Variants in SLC36A2 observed in about 807,000 individuals in gnomAD.
The protein encoded by SLC36A2 is proton-coupled amino acid transporter 2.
A neutral mutation model predicts 42.7 loss-of-function variants in SLC36A2; 39 were observed. That is an observed-to-expected ratio of 0.91 (90% CI 0.71 to 1.19). SLC36A2 has a LOEUF of 1.19. Ranked by LOEUF, SLC36A2 falls within the 50% of genes most tolerant of loss-of-function variation. SLC36A2 has a pLI of 0.00. For synonymous variants in SLC36A2, 237 were observed against 240.8 expected (o/e 0.98, Z 0.15); for missense variants, 590 against 613.7 (o/e 0.96, Z 0.41).
At position 151,315,826 on chromosome 5, in the gene SLC36A2, A is replaced by G. The variant is rs779132827; in HGVS notation, c.*991T>C. On this transcript the variant is annotated 3_prime_UTR_variant, in exon 10 of 10. Transcript: ENST00000335244. ...ATGCATGTTGCAAGAATTAAGAGGT[A>G]AAGTCTATTCAAATAATATTCATGT... The G allele has an allele frequency of 3.9e-5, 6 of 152,274 alleles. No individual in the cohort carries two copies. The highest frequency in any genetic ancestry group is 7.3e-5 in the Non-Finnish European group (5 of 68,052). 9.4% of individuals were successfully genotyped at this position (152,274 alleles called of 1,614,324 possible). A position where few individuals can be genotyped will look rare whatever the true frequency, so the allele number is the denominator to read the frequency against.
chr5:151,322,111 C>A lies in SLC36A2; in HGVS notation c.1115G>T (p.Arg372Leu). 1 of 1,614,086 alleles carries A rather than the reference C, an allele frequency of 6.2e-7. No homozygotes were observed. The highest frequency in any genetic ancestry group is 8.5e-7 in the Non-Finnish European group (1 of 1,180,006). Residue 372 changes from arginine (R) to leucine (L), a missense_variant, in exon 9 of 10, where the codon CGG becomes CTG. Arg to Leu is a moderately radical substitution (Grantham distance 102, BLOSUM62 -2). Coordinates refer to ENST00000335244, the MANE Select transcript of SLC36A2 (RefSeq NM_181776.3). The part of the protein sequence containing the change: ...AEIIIPFAIS[R>L]VSTRWALPLD... ...AGGCAGTGCCCAGCGTGTTGACACC[C>A]GGGAGATGGCAAAGGGGATGATGAT...
chr5:151,316,755 AAAAAAAAAG>A lies in SLC36A2; in HGVS notation c.*53_*61del. 6.6e-7 allele frequency: 1 copy of A among 1,509,420 alleles called. No homozygotes were observed. Among genetic ancestry groups the A allele is most frequent in the Non-Finnish European group, 8.9e-7 (1 of 1,129,696 alleles). 93.5% of individuals were successfully genotyped at this position (1,509,420 alleles called of 1,614,324 possible). A position where few individuals can be genotyped will look rare whatever the true frequency, so the allele number is the denominator to read the frequency against. ...AACTCCGTCTCAAAAAAAAAAAAAA[AAAAAAAAAG>A]AGATCCATATAATTAAAAGTCGGGT... On this transcript the variant is annotated 3_prime_UTR_variant, in exon 10 of 10. Coordinates refer to ENST00000335244, the MANE Select transcript of SLC36A2 (RefSeq NM_181776.3).
chr5:151,331,353 G>A lies in SLC36A2; in HGVS notation c.843+1871C>T, dbSNP rs149690705. Among the ~76,000 whole-genome samples the A allele has an allele frequency of 6.4e-3, 971 of 151,916 alleles. 7 individuals are homozygous for A. The highest frequency in any genetic ancestry group is 0.023 in the African/African-American group (935 of 41,406). Reference sequence around the variant, plus strand: ...TTGTTTTAAGACAGGGTCTTACTCTGTCACCCAGGCTGGAGTGCTGTGGTA... The same window carrying A: ...TTGTTTTAAGACAGGGTCTTACTCTATCACCCAGGCTGGAGTGCTGTGGTA... On this transcript the variant is annotated intron_variant, in intron 7 of 9. Coordinates refer to ENST00000335244, the MANE Select transcript of SLC36A2 (RefSeq NM_181776.3).
intron 7 of SLC36A2, among the ~76,000 whole-genome samples, chr5:151,330,361 A>T (rs1755964112): frequency 6.6e-6 from 1 of 152,336 alleles, no homozygotes; most frequent in Admixed American, 6.5e-5. Flanking sequence ...CAGATTTCTC[A>T]TCAGAAACCA....
chr5:151,342,749 G>A (rs1756382697), intron 4 of SLC36A2, 139 bp downstream of exon 4: 1 of 703,796 alleles, frequency 1.4e-6, no homozygotes, highest in East Asian at 2.7e-5. Flanking sequence ...CAGGGATGTT[G>A]CCAATGAACC....
intron 7 of SLC36A2, among the ~76,000 whole-genome samples, chr5:151,328,348 T>A (rs1023420343): frequency 1.3e-5 from 2 of 152,144 alleles, no homozygotes; most frequent in African/African-American, 2.4e-5. Context: ...ATGACTGTCA[T>A]GGTGGTGAGT....
chr5:151,347,242 A>C lies in SLC36A2; in HGVS notation c.164+55T>G, dbSNP rs1434596299. ...ACACACCCACCTCAGGGTTTTTGCC[A>C]ATGCAAGCTTCAGGCTAGAAAGCAG... is the stretch of plus-strand genomic sequence containing the variant. On this transcript the variant is annotated intron_variant, in intron 1 of 9. Transcript: ENST00000335244. The C allele has an allele frequency of 2.2e-5, 36 of 1,609,200 alleles. No homozygotes were observed. The Middle Eastern group carries it at 6.6e-4, about 30-fold the overall frequency.
In SLC36A2 at chr5:151,334,581, C is replaced by T. The variant is rs531540304; in HGVS notation, c.744+748G>A. ...TGGCTGGTGCCTGTAGTCCCAGCTACTCGTGAGGCTGAGGCAGGAGAATCG... is the reference window on the plus strand; with the variant it reads ...TGGCTGGTGCCTGTAGTCCCAGCTATTCGTGAGGCTGAGGCAGGAGAATCG... On this transcript the variant is annotated intron_variant, in intron 6 of 9. Transcript: ENST00000335244. Among the ~76,000 whole-genome samples, 11 of 152,216 alleles carry T rather than the reference C, an allele frequency of 7.2e-5. 1 individual carries two copies. In the South Asian group the frequency reaches 1.9e-3, roughly 26 times the overall value.
chr5:151,329,601 C>T (rs1192651009), intron 7 of SLC36A2, among the ~76,000 whole-genome samples: 1 of 152,008 alleles, frequency 6.6e-6, no homozygotes, highest in East Asian at 1.9e-4. Context: ...GCAAAGTAGA[C>T]ACAATGTAAA....
chr5:151,327,546 C>T (rs1259438870), intron 7 of SLC36A2, among the ~76,000 whole-genome samples: 1 of 152,220 alleles, frequency 6.6e-6, no homozygotes, highest in Non-Finnish European at 1.5e-5. Context: ...GGGTCCTCCC[C>T]ATGCCTTTCC....
intron 3 of SLC36A2, 103 bp from the exon 4 acceptor site, chr5:151,343,086 G>A (rs942577239): frequency 2.1e-6 from 2 of 932,698 alleles, no homozygotes; most frequent in African/African-American, 1.6e-5. Context: ...CAGCTAAAGA[G>A]CAGAAAGAAC....
chr5:151,335,785 T>C (rs952625435), intron 5 of SLC36A2, among the ~76,000 whole-genome samples: 4 of 152,076 alleles, frequency 2.6e-5, no homozygotes, highest in African/African-American at 7.2e-5. Flanking sequence ...TCCCAGCACT[T>C]TGGGAGGCCG....
At chr5:151,329,692 A>G (rs1243956902) in intron 7 of SLC36A2, among the ~76,000 whole-genome samples, 2 of 152,228 alleles carry the variant, frequency 1.3e-5, no homozygotes, top group Non-Finnish European at 2.9e-5. Context: ...CGGAATGTAG[A>G]TAACAGAAAA....
intron 5 of SLC36A2, 80 bp from the exon 6 acceptor site, chr5:151,335,627 A>G: frequency 9.7e-7 from 1 of 1,035,612 alleles, no homozygotes. Flanking sequence ...CTTGCCCCTA[A>G]TCAAATTCCC....
In SLC36A2 at chr5:151,344,186, C is replaced by T. The variant is rs77739145; in HGVS notation, c.246G>A (p.Ala82=). ...GTGGCGCCTCTCTTACCAGGATGCCCGCGTTCTTCACAGCGAGGGGTAGTC... is the reference window on the plus strand; with the variant it reads ...GTGGCGCCTCTCTTACCAGGATGCCTGCGTTCTTCACAGCGAGGGGTAGTC... ...ILGLPLAVKN[A]GILMGPLSLL... Residue 82 remains alanine, a synonymous_variant, in exon 2 of 10, where the codon GCG becomes GCA. Coordinates refer to ENST00000335244, the MANE Select transcript of SLC36A2 (RefSeq NM_181776.3). The T allele has an allele frequency of 5.1e-3, 8,310 of 1,614,010 alleles. 369 individuals are homozygous for T. In the East Asian group the frequency reaches 0.099, roughly 19 times the overall value.
At position 151,327,842 on chromosome 5, in the gene SLC36A2, C is replaced by T. The variant is rs991131273; in HGVS notation, c.844-2390G>A. Among the ~76,000 whole-genome samples, 13 of 152,218 alleles carry T rather than the reference C, an allele frequency of 8.5e-5. No homozygotes were observed. The South Asian group carries it at 1.2e-3, about 15-fold the overall frequency. On this transcript the variant is annotated intron_variant, in intron 7 of 9. Transcript: ENST00000335244. ...GAAGGTCCCTGGATGGAGAGTCAGA[C>T]GTACTAGGTTTTATTCACATCTGCA...
At chr5:151,339,257 G>T in intron 4 of SLC36A2, 113 bp from the exon 5 acceptor site, 1 of 691,746 alleles carries the variant, frequency 1.4e-6, no homozygotes, top group Non-Finnish European at 2.6e-6. Flanking sequence ...CCCTGTACCA[G>T]CACACTTGGT....
intron 8 of SLC36A2, among the ~76,000 whole-genome samples, chr5:151,324,366 C>T (rs935115320): frequency 7.3e-5 from 11 of 150,922 alleles, no homozygotes; most frequent in Non-Finnish European, 1.5e-4. Flanking sequence ...GAGTTTCACT[C>T]TTGTTGCCCA....
At chr5:151,343,264 T>G (rs919371088) in intron 3 of SLC36A2, among the ~76,000 whole-genome samples, 12 of 152,210 alleles carry the variant, frequency 7.9e-5, no homozygotes, top group African/African-American at 2.9e-4. Flanking sequence ...GTGACCATTC[T>G]CTGCATAGTT....
Sources: gnomAD v4.1 joint callset for allele counts (sites outside exome capture counted in the v4.1 genomes callset) on GRCh38, gnomAD v4.1.1 for gene constraint, MANE v1.5 for transcripts, NCBI Gene and HGNC (gene_info 2026-07-23, HGNC 2026-07-21) for gene names.